Variants in COL25A1 observed in about 807,000 individuals in gnomAD.
COL25A1 encodes collagen alpha-1(XXV) chain.
In COL25A1, 103 loss-of-function variants were observed where a neutral mutation model predicts 128.4. The ratio of observed to expected loss-of-function variants is 0.80; its 90% confidence interval spans 0.68 to 0.94. The LOEUF (loss-of-function observed/expected upper bound fraction) is 0.94. Ranked by LOEUF, COL25A1 falls within the 40% of genes least tolerant of loss-of-function variation. COL25A1 has a pLI of 0.00. For synonymous variants in COL25A1, 279 were observed against 277.2 expected (o/e 1.01, Z -0.06); for missense variants, 745 against 840.0 (o/e 0.89, Z 1.40).
At chr4:109,238,664 G>A (rs1779627411) in intron 3 of COL25A1, among the ~76,000 whole-genome samples, 1 of 152,006 alleles carries the variant, frequency 6.6e-6, no homozygotes, top group Non-Finnish European at 1.5e-5. Context: ...TGTGGAACTA[G>A]AAGGTGTGTG....
intron 3 of COL25A1, among the ~76,000 whole-genome samples, chr4:109,170,143 A>C (rs1443798758): frequency 6.6e-6 from 1 of 152,172 alleles, no homozygotes; most frequent in Non-Finnish European, 1.5e-5. Flanking sequence ...TTTCCATAGG[A>C]AAAATGCAAG....
chr4:109,077,945 C>T (rs1763520910), intron 3 of COL25A1, among the ~76,000 whole-genome samples: 1 of 152,082 alleles, frequency 6.6e-6, no homozygotes, highest in Non-Finnish European at 1.5e-5. Context: ...TGGCCATCAC[C>T]CATAAAGGAT....
chr4:108,911,437 T>TAAAA (rs780985531), intron 13 of COL25A1, among the ~76,000 whole-genome samples: 68,087 of 150,078 alleles, frequency 0.45, 18,124 homozygotes, highest in East Asian at 0.93. Context: ...TCTATAGATT[T>TAAAA]TTCATATAAT....
intron 5 of COL25A1, among the ~76,000 whole-genome samples, chr4:109,025,253 C>T (rs573220969): frequency 4.5e-4 from 69 of 152,146 alleles, no homozygotes; most frequent in Non-Finnish European, 7.5e-4. Flanking sequence ...TGAAGTACCT[C>T]TGAAAAGAGA....
rs547868592 is a variant in COL25A1 at position 109,297,536 on chromosome 4, TC to T, written c.367+3046del. 1.5e-3 allele frequency among the ~76,000 whole-genome samples: 221 copies of T among 151,874 alleles called. 1 individual carries two copies. Among genetic ancestry groups the T allele is most frequent in the African/African-American group, 5.2e-3 (213 of 41,338 alleles). On this transcript the variant is annotated intron_variant, in intron 3 of 37. Coordinates refer to ENST00000399132, the MANE Select transcript of COL25A1 (RefSeq NM_198721.4). ...TATATAAATATCAAAAAAGAACCAA[TC>T]TTTATTTATATAGCACCAAGAAATA...
intron 27 of COL25A1, among the ~76,000 whole-genome samples, 198 bp downstream of exon 27, chr4:108,848,559 CTG>C (rs949378779): frequency 1.3e-5 from 2 of 152,094 alleles, no homozygotes; most frequent in African/African-American, 4.8e-5. Context: ...AAGAACAAAA[CTG>C]AAGTATCATA....
Position 108,940,557 on chromosome 4 carries a change from A to C in COL25A1, c.654T>G (p.Arg218=). 6.2e-7 allele frequency: 1 copy of C among 1,613,884 alleles called. No homozygotes were observed. The highest frequency in any genetic ancestry group is 8.5e-7 in the Non-Finnish European group (1 of 1,179,792). ...GACTCACGGGTACTCCTGGCATTCC[A>C]CGGGGGCCATCTTTCCCTGTGTCCC... ...PPGDTGKDGP[R]GMPGVPGEPG... Residue 218 remains arginine (R), a synonymous_variant, in exon 10 of 38, where the codon CGT becomes CGG. Transcript: ENST00000399132.
intron 13 of COL25A1, among the ~76,000 whole-genome samples, chr4:108,909,150 T>C (rs1743907822): frequency 6.6e-6 from 1 of 152,212 alleles, no homozygotes; most frequent in South Asian, 2.1e-4. Flanking sequence ...ATTTAAACTA[T>C]AACTAAAATC....
intron 5 of COL25A1, among the ~76,000 whole-genome samples, chr4:109,018,529 C>T (rs10023354): frequency 0.18 from 26,726 of 152,122 alleles, 3,400 homozygotes; most frequent in East Asian, 0.46. Context: ...TGGCCCCATC[C>T]TCTCAATGGG....
intron 3 of COL25A1, among the ~76,000 whole-genome samples, chr4:109,131,357 T>C (rs964181902): frequency 1.3e-5 from 2 of 152,232 alleles, no homozygotes; most frequent in African/African-American, 2.4e-5. Context: ...GTATTTCCAT[T>C]GGACAGTATT....
chr4:109,267,696 T>C (rs1046382416), intron 3 of COL25A1, among the ~76,000 whole-genome samples: 2 of 152,154 alleles, frequency 1.3e-5, no homozygotes, highest in East Asian at 1.9e-4. Flanking sequence ...ACCAACATGA[T>C]GTCCAAAAGA....
At chr4:109,164,537 G>A (rs1305620140) in intron 3 of COL25A1, among the ~76,000 whole-genome samples, 1 of 152,174 alleles carries the variant, frequency 6.6e-6, no homozygotes, top group Non-Finnish European at 1.5e-5. Context: ...TGAGGAAACT[G>A]TTGGTGTGAA....
intron 3 of COL25A1, among the ~76,000 whole-genome samples, chr4:109,117,560 C>T (rs1259063816): frequency 2.0e-5 from 3 of 151,908 alleles, no homozygotes; most frequent in Admixed American, 1.3e-4. Context: ...TCTCCACAAC[C>T]AAAGTGCATC....
chr4:109,122,099 T>C (rs1768155102), intron 3 of COL25A1, among the ~76,000 whole-genome samples: 1 of 152,018 alleles, frequency 6.6e-6, no homozygotes, highest in Non-Finnish European at 1.5e-5. Flanking sequence ...GCAAAAAGAT[T>C]AGTAGCTGCC....
chr4:108,848,125 T>C (rs1040281120), intron 27 of COL25A1, among the ~76,000 whole-genome samples: 1 of 152,100 alleles, frequency 6.6e-6, no homozygotes, highest in African/African-American at 2.4e-5. Flanking sequence ...TAAAAAAAAA[T>C]TGTTGAGGTG....
At chr4:109,129,154 A>G (rs1476615888) in intron 3 of COL25A1, among the ~76,000 whole-genome samples, 1 of 151,134 alleles carries the variant, frequency 6.6e-6, no homozygotes, top group African/African-American at 2.4e-5. Flanking sequence ...TTTGAGACAG[A>G]GTTTCACTCT....
At chr4:109,252,342 A>G (rs1780715485) in intron 3 of COL25A1, among the ~76,000 whole-genome samples, 1 of 152,208 alleles carries the variant, frequency 6.6e-6, no homozygotes, top group Non-Finnish European at 1.5e-5. Context: ...CAGTGGCTGT[A>G]GCCAGATCAT....
At chr4:108,949,525 C>T (rs1267236484) in intron 8 of COL25A1, among the ~76,000 whole-genome samples, 1 of 151,318 alleles carries the variant, frequency 6.6e-6, no homozygotes, top group Non-Finnish European at 1.5e-5. Context: ...AGCATATTTT[C>T]CATAAATTTT....
chr4:108,817,283 A>G (rs1731332165), intron 37 of COL25A1, 114 bp downstream of exon 37: 1 of 874,396 alleles, frequency 1.1e-6, no homozygotes, highest in South Asian at 1.4e-5. Flanking sequence ...GATATTCTGG[A>G]GATGAAATCT....
Sources: allele counts gnomAD v4.1 joint callset (sites outside exome capture counted in the v4.1 genomes callset), GRCh38; gene constraint gnomAD v4.1.1; transcripts MANE v1.5; gene names NCBI Gene and HGNC (gene_info 2026-07-23, HGNC 2026-07-21).